PTPRN2: variants seen among roughly 807,000 people sequenced by gnomAD.
The protein encoded by PTPRN2 is protein tyrosine phosphatase receptor type N2.
PTPRN2 carries 74 observed loss-of-function variants against 118.8 expected under a neutral mutation model. The observed-to-expected ratio is 0.62, with a 90% CI of 0.52 to 0.76. The LOEUF is 0.76. Ranked by LOEUF, PTPRN2 falls within the 30% of genes least tolerant of loss-of-function variation. PTPRN2 has a pLI of 0.00. For synonymous variants in PTPRN2, 641 were observed against 608.0 expected (o/e 1.05, Z -0.80); for missense variants, 1,481 against 1,394.4 (o/e 1.06, Z -0.99).
chr7:158,239,557 G>A (rs1340711657), intron 3 of PTPRN2, among the ~76,000 whole-genome samples: 2 of 152,158 alleles, frequency 1.3e-5, no homozygotes, highest in African/African-American at 4.8e-5. Flanking sequence ...ATGGGGACGT[G>A]GCTTTGTCTG....
chr7:158,175,938 G>GACA (rs1824158676), intron 5 of PTPRN2, among the ~76,000 whole-genome samples: 1 of 150,884 alleles, frequency 6.6e-6, no homozygotes, highest in African/African-American at 2.4e-5. Context: ...CAAGACTCGC[G>GACA]ACACCGTGAG....
At chr7:157,657,933 CCACA>C (rs1166971793) in intron 13 of PTPRN2, among the ~76,000 whole-genome samples, 6 of 139,892 alleles carry the variant, frequency 4.3e-5, no homozygotes, top group Non-Finnish European at 7.9e-5. Context: ...CGCAGACACA[CCACA>C]CACACACACC....
chr7:157,931,425 C>T (rs1007333676), intron 11 of PTPRN2, among the ~76,000 whole-genome samples: 11 of 152,294 alleles, frequency 7.2e-5, no homozygotes, highest in East Asian at 1.9e-4. Context: ...TGAGCAGAGC[C>T]GTCAGCACAA....
chr7:158,146,593 C>T (rs373288767), intron 6 of PTPRN2, among the ~76,000 whole-genome samples: 19 of 150,552 alleles, frequency 1.3e-4, no homozygotes, highest in Non-Finnish European at 2.2e-4. Context: ...TGGTGGCGGG[C>T]GCCTGTAGTC....
chr7:158,387,526 T>A, intron 2 of PTPRN2, among the ~76,000 whole-genome samples: 1 of 152,426 alleles, frequency 6.6e-6, no homozygotes, highest in East Asian at 1.9e-4. Context: ...AAGCACTCTC[T>A]GGGTCCTGGG....
chr7:158,083,295 A>C (rs1478492787), intron 10 of PTPRN2, among the ~76,000 whole-genome samples: 1 of 152,136 alleles, frequency 6.6e-6, no homozygotes, highest in Non-Finnish European at 1.5e-5. Flanking sequence ...ATTTTGGTTG[A>C]ATGGTTTTCT....
chr7:158,004,138 C>G (rs144119595), intron 11 of PTPRN2, among the ~76,000 whole-genome samples: 444 of 149,266 alleles, frequency 3.0e-3, no homozygotes, highest in African/African-American at 0.01. Context: ...TTCCAGTGCC[C>G]AATTTGGGAG....
chr7:158,581,158 C>T (rs1468322264), intron 1 of PTPRN2, among the ~76,000 whole-genome samples: 1 of 152,274 alleles, frequency 6.6e-6, no homozygotes, highest in East Asian at 1.9e-4. Flanking sequence ...ATCCTCGGCC[C>T]ATCCTGGGAT....
intron 22 of PTPRN2, among the ~76,000 whole-genome samples, chr7:157,548,568 C>T (rs1798437100): frequency 6.6e-6 from 1 of 152,228 alleles, no homozygotes; most frequent in African/African-American, 2.4e-5. Context: ...AAGCGCAGGC[C>T]CCGGAGAGGC....
chr7:158,249,142 TCA>T (rs1317313195), intron 3 of PTPRN2, among the ~76,000 whole-genome samples: 10 of 149,444 alleles, frequency 6.7e-5, no homozygotes, highest in African/African-American at 1.7e-4. Flanking sequence ...CACACGTGAA[TCA>T]CATATTCATA....
intron 3 of PTPRN2, among the ~76,000 whole-genome samples, chr7:158,289,481 C>T (rs551821594): frequency 6.6e-6 from 1 of 152,230 alleles, no homozygotes; most frequent in African/African-American, 2.4e-5. Context: ...ATTGTGTTTT[C>T]CACATCCAGA....
intron 3 of PTPRN2, among the ~76,000 whole-genome samples, chr7:158,209,411 T>C (rs978600947): frequency 6.6e-6 from 1 of 152,108 alleles, no homozygotes; most frequent in Non-Finnish European, 1.5e-5. Context: ...AGTACTTGTA[T>C]CAGACAAAAT....
At chr7:157,614,182 G>T in intron 15 of PTPRN2, 1 of 459,298 alleles carries the variant, frequency 2.2e-6, no homozygotes, top group African/African-American at 2.0e-5. Context: ...CCAGGGTGGA[G>T]CTCAGGGCCA....
chr7:158,360,114 C>A lies in PTPRN2; in HGVS notation c.164-43182G>T, dbSNP rs1210419050. Reference sequence around the variant, plus strand: ...CAGGATGACGCACAGACCCCACATCCACCCTCACCCAGGACGACGCACAGA... The same window carrying A: ...CAGGATGACGCACAGACCCCACATCAACCCTCACCCAGGACGACGCACAGA... On this transcript the variant is annotated intron_variant, in intron 2 of 22. Transcript: ENST00000389418. Among the ~76,000 whole-genome samples, 2 of 115,916 alleles carry A rather than the reference C, an allele frequency of 1.7e-5. 1 individual carries two copies. The highest frequency in any genetic ancestry group is 7.2e-5 in the African/African-American group (2 of 27,700). 76.0% of individuals were successfully genotyped at this position (115,916 alleles called of 152,430 possible). A position where few individuals can be genotyped will look rare whatever the true frequency, so the allele number is the denominator to read the frequency against.
rs562015161 is a variant in PTPRN2, at chr7:157,842,399, G to C, written c.1788+56274C>G. On this transcript the variant is annotated intron_variant, in intron 12 of 22. Transcript: ENST00000389418. The stretch of plus-strand genomic sequence containing the variant: ...GGGCTCAAATGCCGCTTTGTGTGCA[G>C]ATTCAGGAGACTTTTTTTTTTTTTT... Among the ~76,000 whole-genome samples, 4 of 145,812 alleles carry C rather than the reference G, an allele frequency of 2.7e-5. No individual in the cohort carries two copies. In the East Asian group the frequency reaches 8.4e-4, roughly 31 times the overall value.
chr7:158,182,709 C>T (rs1297425396), intron 5 of PTPRN2, among the ~76,000 whole-genome samples: 3 of 152,176 alleles, frequency 2.0e-5, no homozygotes, highest in Non-Finnish European at 4.4e-5. Flanking sequence ...ACATTTTCTT[C>T]ATCTACTCTA....
At chr7:157,575,818 A>G (rs1337367264) in intron 19 of PTPRN2, among the ~76,000 whole-genome samples, 1 of 152,184 alleles carries the variant, frequency 6.6e-6, no homozygotes, top group African/African-American at 2.4e-5. Flanking sequence ...CTTTTCCTCA[A>G]TAGGTAGACT....
intron 3 of PTPRN2, among the ~76,000 whole-genome samples, chr7:158,255,747 A>G (rs1433108443): frequency 3.3e-5 from 1 of 30,498 alleles, no homozygotes; most frequent in Non-Finnish European, 6.5e-5. Flanking sequence ...CACCCCATGC[A>G]CCAAGCTCCT....
At chr7:158,499,785 A>ATG (rs760084326) in intron 1 of PTPRN2, among the ~76,000 whole-genome samples, 2,036 of 143,678 alleles carry the variant, frequency 0.014, 20 homozygotes, top group African/African-American at 0.03. Flanking sequence ...ATATGTGTGT[A>ATG]TGTGTGTGTG....
Sources: allele counts gnomAD v4.1 joint callset (sites outside exome capture counted in the v4.1 genomes callset), GRCh38; gene constraint gnomAD v4.1.1; transcripts MANE v1.5; gene names NCBI Gene and HGNC (gene_info 2026-07-23, HGNC 2026-07-21).